Variants in PTPRD observed in about 807,000 individuals in gnomAD.
PTPRD encodes the protein receptor-type tyrosine-protein phosphatase delta.
PTPRD carries 34 observed loss-of-function variants against 214.5 expected under a neutral mutation model. That is an observed-to-expected ratio of 0.16 (90% confidence interval 0.12 to 0.21). The LOEUF (loss-of-function observed/expected upper bound fraction) is 0.21. PTPRD is among the 10% of genes least tolerant of loss of function. The pLI, the probability that PTPRD is intolerant of heterozygous loss-of-function variation, is 1.00. For missense variants in PTPRD, 2,545 were observed against 2,398.7 expected (o/e 1.06, Z -1.27); for synonymous variants, 1,128 against 845.7 (o/e 1.33, Z -5.79).
intron 8 of PTPRD, among the ~76,000 whole-genome samples, chr9:9,462,268 G>C (rs1264444699): frequency 2.0e-5 from 3 of 152,094 alleles, no homozygotes; most frequent in African/African-American, 7.2e-5. Flanking sequence ...GAACTAGAGG[G>C]CTAGAGTTAA....
intron 9 of PTPRD, among the ~76,000 whole-genome samples, chr9:9,384,094 A>C (rs780789083): frequency 6.6e-6 from 1 of 151,424 alleles, no homozygotes; most frequent in Non-Finnish European, 1.5e-5. Context: ...CAATGAAGGG[A>C]CATTAAAAAC....
intron 11 of PTPRD, among the ~76,000 whole-genome samples, chr9:8,965,751 C>A (rs909447601): frequency 2.0e-5 from 3 of 152,098 alleles, no homozygotes; most frequent in Non-Finnish European, 4.4e-5. Flanking sequence ...CCATTCTCAT[C>A]ATCTCTATCT....
intron 4 of PTPRD, among the ~76,000 whole-genome samples, chr9:10,004,093 A>G (rs903493859): frequency 2.6e-5 from 4 of 151,950 alleles, no homozygotes; most frequent in African/African-American, 9.7e-5. Context: ...TTCATCAAAT[A>G]TTATACTCAG....
At chr9:8,733,391 C>A (rs940568150) in intron 12 of PTPRD, among the ~76,000 whole-genome samples, 2 of 152,112 alleles carry the variant, frequency 1.3e-5, no homozygotes, top group Admixed American at 6.5e-5. Context: ...TTTTTCTAAA[C>A]ACGGAATGAT....
At chr9:9,318,701 TTA>T (rs1964769904) in intron 9 of PTPRD, among the ~76,000 whole-genome samples, 1 of 152,202 alleles carries the variant, frequency 6.6e-6, no homozygotes, top group East Asian at 1.9e-4. Context: ...CCTATGTTTT[TTA>T]ATACAACACA....
At chr9:10,540,418 T>C (rs2058839739) in intron 2 of PTPRD, among the ~76,000 whole-genome samples, 1 of 152,236 alleles carries the variant, frequency 6.6e-6, no homozygotes, top group African/African-American at 2.4e-5. Flanking sequence ...AGTCTGAATG[T>C]GCCTACCATC....
intron 12 of PTPRD, among the ~76,000 whole-genome samples, chr9:8,706,418 G>C (rs1203866942): frequency 6.6e-6 from 1 of 152,134 alleles, no homozygotes; most frequent in South Asian, 2.1e-4. Flanking sequence ...CTTTATGGAA[G>C]CATCTCACAT....
chr9:9,725,416 A>G (rs908805949), intron 7 of PTPRD, among the ~76,000 whole-genome samples: 7 of 152,038 alleles, frequency 4.6e-5, no homozygotes, highest in Admixed American at 3.3e-4. Context: ...TGGAACCATA[A>G]GTCCATTAAA....
intron 14 of PTPRD, among the ~76,000 whole-genome samples, chr9:8,595,888 T>C (rs919251741): frequency 3.3e-5 from 5 of 152,198 alleles, no homozygotes; most frequent in Non-Finnish European, 5.9e-5. Context: ...ATGTCTTCAG[T>C]AGGCTAGACA....
intron 5 of PTPRD, among the ~76,000 whole-genome samples, chr9:9,887,219 T>C (rs1397301260): frequency 6.6e-6 from 1 of 152,130 alleles, no homozygotes; most frequent in Non-Finnish European, 1.5e-5. Context: ...GAATTGTTTG[T>C]TCACTTCACC....
intron 9 of PTPRD, among the ~76,000 whole-genome samples, chr9:9,248,217 C>G (rs1227150332): frequency 6.6e-6 from 1 of 151,822 alleles, no homozygotes; most frequent in South Asian, 2.1e-4. Context: ...CTAAGCCTCC[C>G]GAGCAGCTGG....
intron 3 of PTPRD, among the ~76,000 whole-genome samples, chr9:10,141,257 T>G (rs367758330): frequency 1.3e-5 from 2 of 151,918 alleles, no homozygotes; most frequent in East Asian, 3.9e-4. Context: ...CCAGGGCAAT[T>G]AGGCAGGAGA....
At chr9:9,498,783 T>A (rs2096290827) in intron 8 of PTPRD, among the ~76,000 whole-genome samples, 1 of 152,118 alleles carries the variant, frequency 6.6e-6, no homozygotes, top group East Asian at 1.9e-4. Flanking sequence ...TGAATAATTG[T>A]AAGACAGGAA....
chr9:10,412,588 C>T (rs1207415956), intron 2 of PTPRD, among the ~76,000 whole-genome samples: 1 of 149,794 alleles, frequency 6.7e-6, no homozygotes, highest in East Asian at 2.0e-4. Flanking sequence ...CATCCTGATA[C>T]CAAAACCTTG....
At chr9:8,372,247 G>A (rs145542324) in intron 39 of PTPRD, among the ~76,000 whole-genome samples, 124 of 152,018 alleles carry the variant, frequency 8.2e-4, no homozygotes, top group Middle Eastern at 3.4e-3. Context: ...CTCAGGTTAC[G>A]TAGATGATAT....
intron 2 of PTPRD, among the ~76,000 whole-genome samples, chr9:10,590,382 A>T: frequency 6.6e-6 from 1 of 151,988 alleles, no homozygotes; most frequent in Non-Finnish European, 1.5e-5. Context: ...CAGTTTTTCA[A>T]ACACATATAC....
At chr9:9,970,900 T>C (rs972838326) in intron 4 of PTPRD, among the ~76,000 whole-genome samples, 1 of 152,212 alleles carries the variant, frequency 6.6e-6, no homozygotes, top group Non-Finnish European at 1.5e-5. Flanking sequence ...AAGGAACTGG[T>C]AGTTAAATAC....
intron 7 of PTPRD, among the ~76,000 whole-genome samples, chr9:9,654,531 C>A (rs367683545): frequency 1.3e-5 from 2 of 152,020 alleles, no homozygotes; most frequent in East Asian, 1.9e-4. Context: ...ATAAAGACTA[C>A]TGAGAATGTG....
intron 5 of PTPRD, among the ~76,000 whole-genome samples, chr9:9,802,404 T>C (rs10977994): frequency 1.3e-5 from 2 of 151,924 alleles, no homozygotes; most frequent in Non-Finnish European, 2.9e-5. Flanking sequence ...GAATTTGAAG[T>C]TAATGCACTA....
Sources: gnomAD v4.1 joint callset for allele counts (sites outside exome capture counted in the v4.1 genomes callset) on GRCh38, gnomAD v4.1.1 for gene constraint, MANE v1.5 for transcripts, NCBI Gene and HGNC (gene_info 2026-07-23, HGNC 2026-07-21) for gene names.